The following RBPMS variants were observed in gnomAD, a reference collection of about 807,000 sequenced individuals.
RBPMS encodes RNA binding protein, mRNA processing factor, also known as RNA-binding protein with multiple splicing.
Under a neutral mutation model 26.8 loss-of-function variants are expected in RBPMS, and 7 were observed. That is an observed-to-expected ratio of 0.26 (90% CI 0.15 to 0.49). The LOEUF (loss-of-function observed/expected upper bound fraction) is 0.49. RBPMS is among the 20% of genes least tolerant of loss of function. The pLI is 0.98. For synonymous variants in RBPMS, 96 were observed against 93.3 expected (o/e 1.03, Z -0.17); for missense variants, 186 against 250.0 (o/e 0.74, Z 1.73).
chr8:30,476,392 G>A (rs572483692), intron 2 of RBPMS, among the ~76,000 whole-genome samples: 1 of 152,210 alleles, frequency 6.6e-6, no homozygotes, highest in African/African-American at 2.4e-5. Context: ...ATATCCAGTT[G>A]TCCTTTGCCT....
intron 1 of RBPMS, among the ~76,000 whole-genome samples, chr8:30,430,355 C>T (rs767701359): frequency 7.9e-5 from 12 of 152,154 alleles, no homozygotes; most frequent in Middle Eastern, 3.2e-3. Context: ...ACAAGTTGTA[C>T]GTCTTGGTTC....
At chr8:30,516,380 CTG>C (rs1822310248) in intron 5 of RBPMS, among the ~76,000 whole-genome samples, 1 of 147,056 alleles carries the variant, frequency 6.8e-6, no homozygotes, top group East Asian at 2.1e-4. Context: ...GTGAGTGAAA[CTG>C]TATCTCAAAA....
At chr8:30,474,693 G>C (rs1817499667) in intron 1 of RBPMS, 86 bp from the exon 2 acceptor site, 1 of 765,242 alleles carries the variant, frequency 1.3e-6, no homozygotes, top group South Asian at 1.6e-5. Context: ...GGAATATTTG[G>C]AATAATATGT....
chr8:30,561,487 G>C (rs937463608), intron 7 of RBPMS, among the ~76,000 whole-genome samples: 1 of 152,178 alleles, frequency 6.6e-6, no homozygotes, highest in Admixed American at 6.5e-5. Context: ...CCGAGGATGA[G>C]GTAACTGGAA....
chr8:30,557,664 C>T (rs1383465114), intron 6 of RBPMS, among the ~76,000 whole-genome samples: 1 of 152,208 alleles, frequency 6.6e-6, no homozygotes. Flanking sequence ...GGGAGGGCAT[C>T]GCCTCACCTG....
chr8:30,452,082 A>G (rs986095786), intron 1 of RBPMS, among the ~76,000 whole-genome samples: 3 of 152,182 alleles, frequency 2.0e-5, no homozygotes, highest in Non-Finnish European at 4.4e-5. Context: ...CCTTTGCGAG[A>G]TGCCTTAACA....
chr8:30,565,353 C>T (rs1048605747), intron 7 of RBPMS: 6 of 152,288 alleles, frequency 3.9e-5, no homozygotes, highest in African/African-American at 1.4e-4. Flanking sequence ...GAGCCAGTGC[C>T]ACCTTTCTGG....
chr8:30,568,867 G>A (rs1370321989), intron 8 of RBPMS, among the ~76,000 whole-genome samples: 3 of 152,186 alleles, frequency 2.0e-5, no homozygotes, highest in East Asian at 1.9e-4. Flanking sequence ...GATCATCTGT[G>A]GTAGTGTGAC....
At chr8:30,487,201 G>A (rs538083009) in intron 4 of RBPMS, among the ~76,000 whole-genome samples, 1 of 152,092 alleles carries the variant, frequency 6.6e-6, no homozygotes, top group African/African-American at 2.4e-5. Context: ...CTGCAGGGCA[G>A]CACATTTTGG....
chr8:30,427,459 C>G (rs1207415441), intron 1 of RBPMS, among the ~76,000 whole-genome samples: 3 of 152,176 alleles, frequency 2.0e-5, no homozygotes, highest in Non-Finnish European at 4.4e-5. Context: ...ACATCTTGTT[C>G]TTTACCTGGA....
At position 30,504,444 on chromosome 8, in the gene RBPMS, G is replaced by T; in HGVS notation, c.397+8G>T. 3 of 1,612,960 alleles carry T rather than the reference G, an allele frequency of 1.9e-6. No homozygotes were observed. The highest frequency in any genetic ancestry group is 2.5e-6 in the Non-Finnish European group (3 of 1,179,082). On this transcript the variant is annotated splice_region_variant and intron_variant, in intron 5 of 8. Coordinates refer to ENST00000397323, the MANE Select transcript of RBPMS (RefSeq NM_001008710.3). ...TCATTGCCAGAGAGCCATGTAAGTC[G>T]ATCTACTTTTCATTCAAAAGTAATA... is the stretch of plus-strand genomic sequence containing the variant.
intron 1 of RBPMS, among the ~76,000 whole-genome samples, chr8:30,457,865 C>T (rs887415715): frequency 1.3e-5 from 2 of 152,128 alleles, no homozygotes; most frequent in African/African-American, 2.4e-5. Context: ...CGTGAGCCAC[C>T]GCCCTAGCCT....
At chr8:30,518,679 A>C (rs928316858) in intron 5 of RBPMS, among the ~76,000 whole-genome samples, 2 of 37,046 alleles carry the variant, frequency 5.4e-5, no homozygotes, top group Admixed American at 2.3e-4. Context: ...CCGCCCGGCC[A>C]AGCATGACTT....
chr8:30,530,840 C>T (rs1035609834), intron 5 of RBPMS, among the ~76,000 whole-genome samples: 1 of 151,922 alleles, frequency 6.6e-6, no homozygotes, highest in African/African-American at 2.4e-5. Flanking sequence ...ACTACTATTC[C>T]TCCTCCTCCT....
intron 8 of RBPMS, among the ~76,000 whole-genome samples, chr8:30,567,640 A>AT (rs11399172): frequency 0.43 from 65,278 of 152,134 alleles, 14,200 homozygotes; most frequent in Middle Eastern, 0.54. Flanking sequence ...GTTAGACATG[A>AT]TTTTAAATGC....
chr8:30,556,508 C>A (rs1024482630), intron 6 of RBPMS: 2 of 986,208 alleles, frequency 2.0e-6, no homozygotes, highest in Non-Finnish European at 2.4e-6. Flanking sequence ...GGGCAGCCCT[C>A]CCCCTCCTGT....
intron 1 of RBPMS, among the ~76,000 whole-genome samples, chr8:30,417,017 C>T (rs946603731): frequency 7.2e-5 from 11 of 152,090 alleles, no homozygotes; most frequent in Non-Finnish European, 1.5e-4. Flanking sequence ...TGATCCTGCC[C>T]GCCTTGGCCT....
chr8:30,515,955 C>T (rs1822262681), intron 5 of RBPMS, among the ~76,000 whole-genome samples: 1 of 152,172 alleles, frequency 6.6e-6, no homozygotes, highest in African/African-American at 2.4e-5. Context: ...GGCCCCTTAC[C>T]TTTTTTAACT....
intron 6 of RBPMS, chr8:30,552,731 C>T (rs1032805059): frequency 4.6e-5 from 7 of 152,184 alleles, no homozygotes; most frequent in African/African-American, 1.7e-4. Flanking sequence ...TTTCACATGC[C>T]TGTTTGGAAG....
Sources: allele counts gnomAD v4.1 joint callset (sites outside exome capture counted in the v4.1 genomes callset), GRCh38; gene constraint gnomAD v4.1.1; transcripts MANE v1.5; gene names NCBI Gene and HGNC (gene_info 2026-07-23, HGNC 2026-07-21).